SYCP2: variants seen among roughly 807,000 people sequenced by gnomAD.
SYCP2 encodes synaptonemal complex protein 2.
A neutral mutation model predicts 211.3 loss-of-function variants in SYCP2; 55 were observed. The observed-to-expected ratio is 0.26, with a 90% confidence interval of 0.21 to 0.33. SYCP2 has a LOEUF of 0.33. Among genes scored for constraint, SYCP2 ranks in the 10% least tolerant of loss-of-function variants. The probability of loss-of-function intolerance (pLI) is 1.00; values close to 1 mark genes in which losing one functional copy is unlikely to be tolerated. For missense variants in SYCP2, 1,731 were observed against 1,752.0 expected (o/e 0.99, Z 0.21); for synonymous variants, 570 against 555.2 (o/e 1.03, Z -0.37).
In SYCP2 at chr20:59,919,175, T is replaced by C. The variant is rs776101475; in HGVS notation, c.410A>G (p.His137Arg). Reference sequence around the variant, plus strand: ...TATTATACCTTCATCACTGACATCATGTATGACCTGAAAAAAAGTGAATAA... The same window carrying C: ...TATTATACCTTCATCACTGACATCACGTATGACCTGAAAAAAAGTGAATAA... The part of the protein sequence containing the change: ...EDLVDLLLVI[H>R]DVSDEGKKQV... Residue 137 changes from histidine to arginine, a missense_variant, in exon 7 of 45, where the codon CAT becomes CGT. Physicochemically the swap from His to Arg is conservative, Grantham distance 29. This residue lies in a region of SYCP2 where 335 missense variants were observed against 378.8 expected (regional missense o/e 0.88). Coordinates refer to ENST00000357552, the MANE Select transcript of SYCP2 (RefSeq NM_014258.4). The C allele has an allele frequency of 2.4e-6, 3 of 1,271,134 alleles. No individual in the cohort carries two copies. Among genetic ancestry groups the C allele is most frequent in the Admixed American group, 4.0e-5 (2 of 50,360 alleles). 78.7% of individuals were successfully genotyped at this position (1,271,134 alleles called of 1,614,324 possible). A position where few individuals can be genotyped will look rare whatever the true frequency, so the allele number is the denominator to read the frequency against.
intron 31 of SYCP2, 113 bp downstream of exon 31, chr20:59,880,190 A>G: frequency 1.3e-6 from 1 of 791,122 alleles, no homozygotes; most frequent in Non-Finnish European, 1.9e-6. Flanking sequence ...CCTATCCATG[A>G]AAGTATGTAG....
chr20:59,879,670 G>A (rs1203084601), intron 31 of SYCP2, among the ~76,000 whole-genome samples: 1 of 150,554 alleles, frequency 6.6e-6, no homozygotes, highest in African/African-American at 2.4e-5. Flanking sequence ...CCACTTTCTA[G>A]GAAAATACTT....
chr20:59,924,015 A>G (rs1185656524), intron 2 of SYCP2, among the ~76,000 whole-genome samples: 1 of 151,906 alleles, frequency 6.6e-6, no homozygotes, highest in Non-Finnish European at 1.5e-5. Context: ...TTTTAAATTA[A>G]AGGCACTCAA....
rs1280794259 is a variant in SYCP2, at chr20:59,864,143, G to C, written c.*168C>G. 2.2e-6 allele frequency: 1 copy of C among 450,328 alleles called. No homozygotes were observed. The highest frequency in any genetic ancestry group is 4.1e-5 in the Admixed American group (1 of 24,236). 27.9% of individuals were successfully genotyped at this position (450,328 alleles called of 1,614,324 possible). A position where few individuals can be genotyped will look rare whatever the true frequency, so the allele number is the denominator to read the frequency against. ...CTGGGCTTGGACTCATGTTATAGTG[G>C]TTCCCTCTCATCCATTAAAAGACAT... On this transcript the variant is annotated 3_prime_UTR_variant, in exon 45 of 45. Coordinates refer to ENST00000357552, the MANE Select transcript of SYCP2 (RefSeq NM_014258.4).
chr20:59,915,629 C>A (rs889269875), intron 8 of SYCP2, 79 bp from the exon 9 acceptor site: 1 of 890,152 alleles, frequency 1.1e-6, no homozygotes, highest in Non-Finnish European at 1.8e-6. Flanking sequence ...GGCACATAAA[C>A]TTAGAAGCCT....
In SYCP2 at chr20:59,915,469, G is replaced by A; in HGVS notation, c.595C>T (p.Leu199Phe). Residue 199 changes from leucine to phenylalanine, a missense_variant, in exon 9 of 45, where the codon CTC (leucine) becomes TTC (phenylalanine). Leu to Phe is a conservative substitution (Grantham distance 22). Coordinates refer to ENST00000357552, the MANE Select transcript of SYCP2 (RefSeq NM_014258.4). ...KILSNQEMLI[L>F]MSSMGERILD... ...CATATAAGTACAGATTATTACATGA[G>A]AATTAACATTTCTTGGTTAGAGAGT... 6.3e-7 allele frequency: 1 copy of A among 1,585,256 alleles called. No homozygotes were observed. The highest frequency in any genetic ancestry group is 8.7e-7 in the Non-Finnish European group (1 of 1,154,514).
At position 59,901,791 on chromosome 20, in the gene SYCP2, T is replaced by A; in HGVS notation, c.1053A>T (p.Leu351=). The A allele has an allele frequency of 6.3e-7, 1 of 1,597,764 alleles. No individual in the cohort carries two copies. The highest frequency in any genetic ancestry group is 8.5e-7 in the Non-Finnish European group (1 of 1,173,206). The change falls in exon 16 of 45, where the codon CTA becomes CTT. Residue 351 remains leucine (L), a synonymous_variant. Transcript: ENST00000357552. The part of the protein sequence containing the change: ...YSIEVRESKK[L]LTIILKNTVK... ...CTGTATTTTTCAGAATTATTGTCAGTAGCTTCTTTGATTCTCTCACTGTAT... is the reference window on the plus strand; with the variant it reads ...CTGTATTTTTCAGAATTATTGTCAGAAGCTTCTTTGATTCTCTCACTGTAT...
At chr20:59,877,913 A>C in intron 32 of SYCP2, 95 bp downstream of exon 32, 1 of 984,298 alleles carries the variant, frequency 1.0e-6, no homozygotes, top group South Asian at 1.5e-5. Flanking sequence ...CACATAACTG[A>C]TAACAAGGAT....
chr20:59,893,498 A>C (rs2059949555), intron 21 of SYCP2, 26 bp downstream of exon 21: 2 of 1,478,988 alleles, frequency 1.4e-6, no homozygotes, highest in South Asian at 2.3e-5. Flanking sequence ...TAAAAAAATG[A>C]CTAAATTAAA....
intron 12 of SYCP2, 58 bp downstream of exon 12, chr20:59,913,917 C>A: frequency 7.7e-7 from 1 of 1,298,254 alleles, no homozygotes; most frequent in South Asian, 1.5e-5. Context: ...ACACTGGGTG[C>A]TCACTCTTGA....
intron 14 of SYCP2, among the ~76,000 whole-genome samples, chr20:59,908,978 T>C (rs1240418171): frequency 1.3e-5 from 2 of 152,250 alleles, no homozygotes; most frequent in African/African-American, 4.8e-5. Flanking sequence ...CTCTTCACCA[T>C]GTAAGTGAAA....
In SYCP2 at chr20:59,880,244, A is replaced by T. The variant is rs146240229; in HGVS notation, c.2941+59T>A. 2.2e-4 allele frequency: 301 copies of T among 1,369,218 alleles called. 1 individual carries two copies. Among genetic ancestry groups the T allele is most frequent in the Admixed American group, 2.1e-4 (10 of 47,416 alleles). 84.8% of individuals were successfully genotyped at this position (1,369,218 alleles called of 1,614,324 possible). A position where few individuals can be genotyped will look rare whatever the true frequency, so the allele number is the denominator to read the frequency against. ...CAATAAGCTTATATAAAGCATTTTC[A>T]ATAATTGAAATAAACTGCAAAATCA... On this transcript the variant is annotated intron_variant, in intron 31 of 44. Coordinates refer to ENST00000357552, the MANE Select transcript of SYCP2 (RefSeq NM_014258.4).
rs141386266 is a variant in SYCP2 at position 59,914,118 on chromosome 20, T to C, written c.768A>G (p.Glu256=). The C allele has an allele frequency of 2.5e-6, 4 of 1,599,168 alleles. 1 individual carries two copies. The highest frequency in any genetic ancestry group is 3.3e-4 in the Middle Eastern group (2 of 6,012). ...TTGTTATACAACTTACTGTTTCAAA[T>C]TCAGAGTCCTTAATTCTTTTAAATG... ...AKAFKRIKDS[E]FETDCRIFLN... is the part of the protein sequence containing the mutation. The change falls in exon 11 of 45, where the codon GAA becomes GAG. Residue 256 remains glutamate (E), a synonymous_variant. Coordinates refer to ENST00000357552, the MANE Select transcript of SYCP2 (RefSeq NM_014258.4).
At chr20:59,928,630 T>C (rs1387674851) in intron 2 of SYCP2, among the ~76,000 whole-genome samples, 6 of 152,042 alleles carry the variant, frequency 3.9e-5, no homozygotes, top group Non-Finnish European at 8.8e-5. Context: ...GGAAAACAAA[T>C]GGATCAATAA....
chr20:59,913,554 A>G (rs1289712493), intron 12 of SYCP2, among the ~76,000 whole-genome samples: 1 of 152,144 alleles, frequency 6.6e-6, no homozygotes, highest in East Asian at 1.9e-4. Context: ...ATAAAGGAAG[A>G]TGATTTGTTT....
At position 59,910,385 on chromosome 20, in the gene SYCP2, T is replaced by TTTA. The variant is rs1300565442; in HGVS notation, c.972+1364_972+1365insTAA. On this transcript the variant is annotated intron_variant, in intron 14 of 44. Transcript: ENST00000357552. ...TAGTGTAATTGCTTATTTTTTTTTT[T>TTTA]TTTTTTTTTTTTTTTGAGACAGTCT... Among the ~76,000 whole-genome samples the TTTA allele has an allele frequency of 6.3e-4, 84 of 134,114 alleles. 2 individuals are homozygous for TTTA. Among genetic ancestry groups the TTTA allele is most frequent in the African/African-American group, 2.4e-3 (80 of 33,848 alleles). 88.0% of individuals were successfully genotyped at this position (134,114 alleles called of 152,430 possible). A position where few individuals can be genotyped will look rare whatever the true frequency, so the allele number is the denominator to read the frequency against.
At chr20:59,894,865 G>A (rs1954674921) in intron 20 of SYCP2, among the ~76,000 whole-genome samples, 2 of 151,852 alleles carry the variant, frequency 1.3e-5, no homozygotes, top group South Asian at 4.1e-4. Flanking sequence ...CAACTACCTG[G>A]AACAAATGCC....
intron 2 of SYCP2, among the ~76,000 whole-genome samples, chr20:59,925,736 G>A (rs1316990570): frequency 2.0e-5 from 3 of 151,972 alleles, no homozygotes; most frequent in Non-Finnish European, 4.4e-5. Context: ...TTTAAATAGA[G>A]GGAAGATTTC....
At chr20:59,901,484 A>G (rs1411563723) in intron 16 of SYCP2, among the ~76,000 whole-genome samples, 178 bp downstream of exon 16, 2 of 152,104 alleles carry the variant, frequency 1.3e-5, no homozygotes, top group East Asian at 1.9e-4. Context: ...GATACTTTGT[A>G]ATGGGTATCT....
Sources: allele counts gnomAD v4.1 joint callset (sites outside exome capture counted in the v4.1 genomes callset), GRCh38; gene constraint gnomAD v4.1.1; regional missense constraint gnomAD v4.1.1; transcripts MANE v1.5; gene names NCBI Gene and HGNC (gene_info 2026-07-23, HGNC 2026-07-21).